The following PCLO variants were observed in gnomAD, a reference collection of about 807,000 sequenced individuals.
PCLO encodes the protein protein piccolo.
Under a neutral mutation model 427.5 loss-of-function variants are expected in PCLO, and 82 were observed. The ratio of observed to expected loss-of-function variants is 0.19; its 90% CI spans 0.16 to 0.23. The LOEUF (loss-of-function observed/expected upper bound fraction) is 0.23, where lower values mean the gene tolerates loss of function less well. Ranked by LOEUF, PCLO falls within the 10% of genes least tolerant of loss-of-function variation. The pLI is 1.00. For missense variants in PCLO, 6,239 were observed against 6,115.9 expected, an observed-to-expected ratio of 1.02 and a Z score of -0.67; for synonymous variants, 2,357 against 2,155.4, an observed-to-expected ratio of 1.09 and a Z score of -2.59.
At chr7:82,876,487 C>CACACAT (rs763491705) in intron 10 of PCLO, among the ~76,000 whole-genome samples, 2 of 131,470 alleles carry the variant, frequency 1.5e-5, no homozygotes, top group Non-Finnish European at 3.5e-5. Flanking sequence ...CACACACACA[C>CACACAT]ATACACCACA....
intron 2 of PCLO, among the ~76,000 whole-genome samples, chr7:83,147,755 C>T (rs1792031482): frequency 6.6e-6 from 1 of 151,970 alleles, no homozygotes; most frequent in African/African-American, 2.4e-5. Flanking sequence ...TTAGTTATAA[C>T]ATGAATTTAA....
intron 22 of PCLO, among the ~76,000 whole-genome samples, chr7:82,792,933 C>G (rs1200419051): frequency 6.6e-6 from 1 of 151,700 alleles, no homozygotes; most frequent in African/African-American, 2.4e-5. Context: ...CTTTAATATT[C>G]ATTTTTGAGA....
intron 3 of PCLO, among the ~76,000 whole-genome samples, chr7:83,005,701 T>C (rs1787929543): frequency 1.3e-5 from 2 of 151,636 alleles, no homozygotes; most frequent in South Asian, 2.1e-4. Flanking sequence ...TATGAAAACA[T>C]CAGGTTGTAC....
intron 3 of PCLO, among the ~76,000 whole-genome samples, chr7:83,110,687 A>T (rs2116521832): frequency 6.6e-6 from 1 of 152,298 alleles, no homozygotes; most frequent in Admixed American, 6.5e-5. Flanking sequence ...TATGAACACC[A>T]AAATTCCATT....
chr7:83,030,090 A>G (rs1460268530), intron 3 of PCLO, among the ~76,000 whole-genome samples: 10 of 146,598 alleles, frequency 6.8e-5, no homozygotes, highest in Non-Finnish European at 1.0e-4. Context: ...GTGCACATGT[A>G]CCCTAAAACT....
At chr7:83,083,056 T>A (rs1315787710) in intron 3 of PCLO, among the ~76,000 whole-genome samples, 2 of 135,644 alleles carry the variant, frequency 1.5e-5, no homozygotes, top group African/African-American at 6.0e-5. Flanking sequence ...TACAATCAAC[T>A]ATTTTTTTAA....
chr7:82,915,800 T>G lies in PCLO; in HGVS notation c.12186A>C (p.Leu4062Phe), dbSNP rs1338783425. 2.5e-6 allele frequency: 4 copies of G among 1,612,808 alleles called. No individual in the cohort carries two copies. Among genetic ancestry groups the G allele is most frequent in the African/African-American group, 2.7e-5 (2 of 74,912 alleles). ...TTTCATGAAGGCTAAATGCGGTGCT[T>G]AATGCCGCTGTTCCTTTGGTGATCT... ...IGEITKGTAA[L>F]STAFSLHEKD... The change falls in exon 7 of 25, where the codon TTA becomes TTC. Residue 4062 changes from leucine (L) to phenylalanine (F), a missense_variant. Leu to Phe is a conservative substitution (Grantham distance 22). Transcript: ENST00000333891.
At chr7:83,035,030 G>A (rs527268962) in intron 3 of PCLO, among the ~76,000 whole-genome samples, 24 of 152,162 alleles carry the variant, frequency 1.6e-4, no homozygotes, top group Non-Finnish European at 3.4e-4. Context: ...TCTTCAAAAT[G>A]TATAACTCTT....
chr7:82,781,170 A>C (rs1790864277), intron 22 of PCLO, among the ~76,000 whole-genome samples: 1 of 150,662 alleles, frequency 6.6e-6, no homozygotes, highest in African/African-American at 2.4e-5. Context: ...AAATTAATTT[A>C]TAAAAATTCT....
At chr7:82,858,870 T>C (rs1792877593) in intron 10 of PCLO, among the ~76,000 whole-genome samples, 1 of 152,112 alleles carries the variant, frequency 6.6e-6, no homozygotes, top group South Asian at 2.1e-4. Flanking sequence ...CTCAATATTG[T>C]TAAAATGTCC....
intron 3 of PCLO, among the ~76,000 whole-genome samples, chr7:83,027,602 T>C (rs1788537570): frequency 1.4e-5 from 2 of 148,028 alleles, no homozygotes; most frequent in Non-Finnish European, 1.5e-5. Flanking sequence ...CCTAACTCAT[T>C]TTATGAGGCC....
At chr7:82,780,531 TTTTG>T (rs1390378456) in intron 22 of PCLO, among the ~76,000 whole-genome samples, 12 of 132,706 alleles carry the variant, frequency 9.0e-5, no homozygotes, top group African/African-American at 3.1e-4. Flanking sequence ...TCTTGTATGT[TTTTG>T]TTTGTTTTTG....
chr7:82,821,103 T>G, intron 20 of PCLO: 1 of 1,059,538 alleles, frequency 9.4e-7, no homozygotes, highest in Non-Finnish European at 1.1e-6. Context: ...ACAGGGCCTT[T>G]CTGCTCACCT....
intron 3 of PCLO, among the ~76,000 whole-genome samples, chr7:83,081,845 A>G (rs1790108654): frequency 1.3e-5 from 2 of 151,806 alleles, no homozygotes; most frequent in South Asian, 4.1e-4. Flanking sequence ...GCTTAAGAAA[A>G]AGAAGTTATT....
At chr7:82,791,016 A>G (rs1294319994) in intron 22 of PCLO, among the ~76,000 whole-genome samples, 1 of 152,182 alleles carries the variant, frequency 6.6e-6, no homozygotes, top group Non-Finnish European at 1.5e-5. Context: ...AGTTTTTATT[A>G]CTTGATTCAA....
At chr7:82,856,383 A>G (rs1792806674) in intron 10 of PCLO, among the ~76,000 whole-genome samples, 1 of 152,200 alleles carries the variant, frequency 6.6e-6, no homozygotes, top group Non-Finnish European at 1.5e-5. Flanking sequence ...TATCATGATA[A>G]GATTCGATTT....
chr7:83,029,385 G>C (rs1222405251), intron 3 of PCLO, among the ~76,000 whole-genome samples: 3 of 149,796 alleles, frequency 2.0e-5, no homozygotes, highest in South Asian at 4.2e-4. Flanking sequence ...GGCCATCAGA[G>C]AAATGCAAAT....
Position 82,760,619 on chromosome 7 carries a change from A to G in PCLO, c.15288+20T>C, listed in dbSNP as rs2129467532. ...TATGAATGAGAAGTTTCAAATATGAACTACATAATACAGAGCTACCTGAAG... is the reference window on the plus strand; with the variant it reads ...TATGAATGAGAAGTTTCAAATATGAGCTACATAATACAGAGCTACCTGAAG... On this transcript the variant is annotated intron_variant, in intron 24 of 24. Coordinates refer to ENST00000333891, the MANE Select transcript of PCLO (RefSeq NM_033026.6). 2.0e-6 allele frequency: 3 copies of G among 1,498,726 alleles called. No homozygotes were observed. The highest frequency in any genetic ancestry group is 2.7e-6 in the Non-Finnish European group (3 of 1,118,000). 92.8% of individuals were successfully genotyped at this position (1,498,726 alleles called of 1,614,324 possible).
At chr7:83,038,021 A>ATATATATATATATATT (rs1788851211) in intron 3 of PCLO, among the ~76,000 whole-genome samples, 1 of 55,092 alleles carries the variant, frequency 1.8e-5, no homozygotes, top group Non-Finnish European at 2.9e-5. Flanking sequence ...ATATATATAT[A>ATATATATATATATATT]TATATATATT....
Sources: gnomAD v4.1 joint callset for allele counts (sites outside exome capture counted in the v4.1 genomes callset) on GRCh38, gnomAD v4.1.1 for gene constraint, MANE v1.5 for transcripts, NCBI Gene and HGNC (gene_info 2026-07-23, HGNC 2026-07-21) for gene names.